GOLGA3: variants seen among roughly 807,000 people sequenced by gnomAD.
GOLGA3 encodes golgin subfamily A member 3.
GOLGA3 carries 75 observed loss-of-function variants against 169.4 expected under a neutral mutation model. That is an observed-to-expected ratio of 0.44 (90% CI 0.37 to 0.54). The LOEUF (loss-of-function observed/expected upper bound fraction) is 0.54. Ranked by LOEUF, GOLGA3 falls within the 20% of genes least tolerant of loss-of-function variation. The probability of loss-of-function intolerance (pLI) is 0.00; values close to 1 mark genes in which losing one functional copy is unlikely to be tolerated. For missense variants in GOLGA3, 1,899 were observed against 1,930.0 expected, an observed-to-expected ratio of 0.98 and a Z score of 0.30; for synonymous variants, 824 against 822.4, an observed-to-expected ratio of 1.00 and a Z score of -0.03.
At chr12:132,819,292 A>G (rs1441154183) in intron 2 of GOLGA3, among the ~76,000 whole-genome samples, 12 of 149,688 alleles carry the variant, frequency 8.0e-5, no homozygotes, top group Admixed American at 7.3e-4. Context: ...CACTTTGGGA[A>G]GCTGAGGCAG....
At chr12:132,782,614 C>T (rs1243898100) in intron 16 of GOLGA3, 121 bp from the exon 17 acceptor site, 22 of 765,088 alleles carry the variant, frequency 2.9e-5, no homozygotes, top group Admixed American at 1.2e-4. Context: ...CAGAGGCTCA[C>T]GCCTGTAATC....
Position 132,796,585 on chromosome 12 carries a change from T to C in GOLGA3, c.2054A>G (p.Gln685Arg), listed in dbSNP as rs776969325. The stretch of plus-strand genomic sequence containing the variant: ...GGATGCCGCCGAGTCCGCCATCCTC[T>C]GCAGCCGCTCCCTCTCACCTTCAAA... Reference protein sequence around the residue: ...EEFEGERERLQRMADSAASLE... With the variant: ...EEFEGERERLRRMADSAASLE... Residue 685 changes from glutamine to arginine, a missense_variant, in exon 10 of 24, where the codon CAG becomes CGG. Physicochemically the swap from Gln to Arg is conservative, Grantham distance 43. Coordinates refer to ENST00000450791, the MANE Select transcript of GOLGA3 (RefSeq NM_001389683.1). 6.2e-7 allele frequency: 1 copy of C among 1,613,752 alleles called. No homozygotes were observed. Among genetic ancestry groups the C allele is most frequent in the Non-Finnish European group, 8.5e-7 (1 of 1,180,016 alleles).
At chr12:132,811,467 C>T (rs1314090917) in intron 4 of GOLGA3, among the ~76,000 whole-genome samples, 10 of 151,980 alleles carry the variant, frequency 6.6e-5, no homozygotes, top group Admixed American at 3.3e-4. Context: ...CTTCATTTTT[C>T]ATACTTGCAT....
intron 14 of GOLGA3, 28 bp downstream of exon 14, chr12:132,786,665 C>T (rs768696432): frequency 1.9e-6 from 3 of 1,554,312 alleles, no homozygotes; most frequent in African/African-American, 2.7e-5. Flanking sequence ...CTGGCCCCCG[C>T]ACCTCCCCCG....
At chr12:132,788,884 T>TTGGCCCCACCCCAGACAC in intron 13 of GOLGA3, 143 bp downstream of exon 13, 1 of 805,544 alleles carries the variant, frequency 1.2e-6, no homozygotes, top group African/African-American at 1.8e-5. Context: ...CTCTCCCACC[T>TTGGCCCCACCCCAGACAC]TGGCCCCACC....
intron 11 of GOLGA3, among the ~76,000 whole-genome samples, chr12:132,792,157 G>A (rs531546098): frequency 1.4e-3 from 212 of 152,338 alleles, no homozygotes; most frequent in African/African-American, 4.9e-3. Flanking sequence ...ATAGGAAGAA[G>A]CACTTGTGTT....
chr12:132,791,855 T>C (rs2046253242), intron 11 of GOLGA3, among the ~76,000 whole-genome samples: 1 of 139,270 alleles, frequency 7.2e-6, no homozygotes, highest in Non-Finnish European at 1.6e-5. Context: ...GCAGAGTTGT[T>C]ACACTGAGGG....
chr12:132,798,373 C>T lies in GOLGA3; in HGVS notation c.1905G>A (p.Lys635=). The change falls in exon 9 of 24, where the codon AAG becomes AAA. Residue 635 remains lysine (K), a synonymous_variant. Coordinates refer to ENST00000450791, the MANE Select transcript of GOLGA3 (RefSeq NM_001389683.1). ...CCTGCAGCTGTGCCGCGATGCGCCC[C>T]TTCTCCTTCATGGACCTGTGCTGAG... is the stretch of plus-strand genomic sequence containing the variant. ...TETQHRSMKE[K]GRIAAQLQGI... 2.5e-6 allele frequency: 4 copies of T among 1,613,518 alleles called. No homozygotes were observed. The highest frequency in any genetic ancestry group is 3.4e-6 in the Non-Finnish European group (4 of 1,179,856).
At chr12:132,799,216 G>A (rs996657023) in intron 8 of GOLGA3, among the ~76,000 whole-genome samples, 1 of 152,210 alleles carries the variant, frequency 6.6e-6, no homozygotes, top group East Asian at 1.9e-4. Context: ...ACTGTGTTTC[G>A]AGACCATGAA....
chr12:132,780,058 C>A (rs1372578519), intron 18 of GOLGA3, among the ~76,000 whole-genome samples: 1 of 141,010 alleles, frequency 7.1e-6, no homozygotes, highest in Non-Finnish European at 1.5e-5. Context: ...CGCGCACATA[C>A]ACACACACAC....
intron 1 of GOLGA3, among the ~76,000 whole-genome samples, chr12:132,822,974 G>A (rs1157267162): frequency 6.6e-6 from 1 of 152,198 alleles, no homozygotes; most frequent in Non-Finnish European, 1.5e-5. Flanking sequence ...CTCTCAGCTA[G>A]TGAGTGACTC....
At chr12:132,809,424 AC>A (rs1170193457) in intron 4 of GOLGA3, among the ~76,000 whole-genome samples, 1 of 132,154 alleles carries the variant, frequency 7.6e-6, no homozygotes, top group Non-Finnish European at 1.6e-5. Flanking sequence ...GGAGACACCA[AC>A]CCCCACCCCC....
chr12:132,783,813 T>C, intron 16 of GOLGA3: 1 of 970,446 alleles, frequency 1.0e-6, no homozygotes, highest in Non-Finnish European at 1.4e-6. Flanking sequence ...CCTAACCTCA[T>C]GATCCGCCCA....
chr12:132,807,511 A>T (rs1002770971), intron 5 of GOLGA3, among the ~76,000 whole-genome samples: 1 of 152,244 alleles, frequency 6.6e-6, no homozygotes, highest in African/African-American at 2.4e-5. Flanking sequence ...AACATGAGAC[A>T]TGCAAGCGTC....
At chr12:132,823,538 C>A (rs1273843511) in intron 1 of GOLGA3, among the ~76,000 whole-genome samples, 1 of 152,214 alleles carries the variant, frequency 6.6e-6, no homozygotes, top group Admixed American at 6.5e-5. Flanking sequence ...GTAATCCCAG[C>A]ACTTTGGGAG....
At chr12:132,803,885 C>T (rs961536237) in intron 7 of GOLGA3, among the ~76,000 whole-genome samples, 3 of 152,144 alleles carry the variant, frequency 2.0e-5, no homozygotes, top group Non-Finnish European at 2.9e-5. Context: ...ACTCTGGACC[C>T]GGGTCACTCT....
At chr12:132,798,221 C>T (rs1948962887) in intron 9 of GOLGA3, 119 bp downstream of exon 9, 1 of 990,464 alleles carries the variant, frequency 1.0e-6, no homozygotes, top group Non-Finnish European at 1.4e-6. Context: ...TCACTGCCCG[C>T]CATCCATGAG....
Position 132,776,686 on chromosome 12 carries a change from A to C in GOLGA3, c.3926T>G (p.Leu1309Trp). The C allele has an allele frequency of 6.2e-7, 1 of 1,614,118 alleles. No individual in the cohort carries two copies. Among genetic ancestry groups the C allele is most frequent in the East Asian group, 2.2e-5 (1 of 44,886 alleles). ...EIQSLKQQLDLTEQQGRKELE... is the reference protein window; with the variant it reads ...EIQSLKQQLDWTEQQGRKELE... ...TTCCTTCCTGCCCTGCTGCTCCGTCAAGTCCAGCTGCTGCTTCAAGGACTG... is the reference window on the plus strand; with the variant it reads ...TTCCTTCCTGCCCTGCTGCTCCGTCCAGTCCAGCTGCTGCTTCAAGGACTG... The change falls in exon 21 of 24, where the codon TTG becomes TGG. Residue 1309 changes from leucine to tryptophan, a missense_variant. Physicochemically the swap from Leu to Trp is moderately conservative, Grantham distance 61. Coordinates refer to ENST00000450791, the MANE Select transcript of GOLGA3 (RefSeq NM_001389683.1).
At chr12:132,783,455 A>T (rs2045721067) in intron 16 of GOLGA3, among the ~76,000 whole-genome samples, 1 of 53,188 alleles carries the variant, frequency 1.9e-5, no homozygotes, top group South Asian at 5.0e-4. Flanking sequence ...ACAGCCAGAG[A>T]GTGGAACAGG....
Sources: gnomAD v4.1 joint callset for allele counts (sites outside exome capture counted in the v4.1 genomes callset) on GRCh38, gnomAD v4.1.1 for gene constraint, MANE v1.5 for transcripts, NCBI Gene and HGNC (gene_info 2026-07-23, HGNC 2026-07-21) for gene names.